Variants in LYZL4 observed in about 807,000 individuals in gnomAD.
The protein encoded by LYZL4 is lysozyme-like protein 4.
In LYZL4, 13 loss-of-function variants were observed where a neutral mutation model predicts 17.6. That is an observed-to-expected ratio of 0.74 (90% CI 0.48 to 1.18). The LOEUF (loss-of-function observed/expected upper bound fraction) is 1.18, where lower values mean the gene tolerates loss of function less well. LYZL4 is among the 50% of genes most tolerant of loss of function. LYZL4 has a pLI of 0.00. For synonymous variants in LYZL4, 64 were observed against 67.7 expected, an observed-to-expected ratio of 0.95 and a Z score of 0.27; for missense variants, 174 against 188.2, an observed-to-expected ratio of 0.92 and a Z score of 0.44.
chr3:42,372,449 G>T, the LYZL4 span, among the ~76,000 whole-genome samples: 3 of 152,216 alleles, frequency 2.0e-5, no homozygotes, highest in Non-Finnish European at 4.4e-5. Flanking sequence ...TGATTTGGAG[G>T]TGATTCTGGG....
intron 4 of LYZL4, among the ~76,000 whole-genome samples, chr3:42,398,938 A>G (rs1361617203): frequency 6.6e-6 from 1 of 152,246 alleles, no homozygotes; most frequent in Admixed American, 6.5e-5. Context: ...GTTTATGCAA[A>G]TAAAATGAAT....
chr3:42,406,667 G>A (rs951282611), intron 3 of LYZL4, among the ~76,000 whole-genome samples, 179 bp downstream of exon 3: 1 of 151,998 alleles, frequency 6.6e-6, no homozygotes, highest in African/African-American at 2.4e-5. Context: ...CCCACAGCCT[G>A]ATCTCACTGT....
At chr3:42,367,591 C>T in the LYZL4 span, among the ~76,000 whole-genome samples, 7 of 152,016 alleles carry the variant, frequency 4.6e-5, no homozygotes, top group African/African-American at 1.5e-4. Context: ...CAATGGGAGC[C>T]ATGGCAAAGG....
intron 4 of LYZL4, among the ~76,000 whole-genome samples, chr3:42,400,402 G>A (rs1425601195): frequency 6.6e-6 from 1 of 152,200 alleles, no homozygotes; most frequent in African/African-American, 2.4e-5. Context: ...TCATATTGCT[G>A]TGGCCACGAG....
chr3:42,405,131 C>T (rs1698726354), intron 3 of LYZL4, among the ~76,000 whole-genome samples: 1 of 152,164 alleles, frequency 6.6e-6, no homozygotes, highest in Non-Finnish European at 1.5e-5. Flanking sequence ...TCACTGCAAG[C>T]TCCGCCTCCC....
Position 42,397,109 on chromosome 3 carries a change from C to T in LYZL4, c.*156G>A, listed in dbSNP as rs1698560422. ...TGAGTAACTAGTTTGGTTTATTCTG[C>T]ATCCTGCATCCCCGGATGAAGCAAA... On this transcript the variant is annotated 3_prime_UTR_variant, in exon 5 of 5. Coordinates refer to ENST00000287748, the MANE Select transcript of LYZL4 (RefSeq NM_144634.4). 4 of 576,000 alleles carry T rather than the reference C, an allele frequency of 6.9e-6. No homozygotes were observed. Among genetic ancestry groups the T allele is most frequent in the South Asian group, 5.2e-5 (2 of 38,540 alleles). The allele number at this position is 576,000 out of a possible 1,614,324, so 35.7% of individuals were successfully genotyped here.
downstream of LYZL4, among the ~76,000 whole-genome samples, chr3:42,396,098 G>A (rs760672672): frequency 5.3e-5 from 8 of 152,032 alleles, no homozygotes; most frequent in Non-Finnish European, 8.8e-5. Flanking sequence ...ACATCTAAGA[G>A]TAGAGCAAAA....
At chr3:42,406,734 C>T (rs1698761022) in intron 3 of LYZL4, 112 bp downstream of exon 3, 1 of 1,367,674 alleles carries the variant, frequency 7.3e-7, no homozygotes, top group African/African-American at 1.4e-5. Flanking sequence ...ATGGCTCCTG[C>T]CACACCCTCT....
chr3:42,375,128 G>A, the LYZL4 span, among the ~76,000 whole-genome samples: 3 of 151,886 alleles, frequency 2.0e-5, no homozygotes, highest in Non-Finnish European at 2.9e-5. Context: ...TGACTTTTTG[G>A]TGCCTAAAAA....
At chr3:42,406,453 CAAAAAAAA>C (rs565639489) in intron 3 of LYZL4, among the ~76,000 whole-genome samples, 114 of 84,166 alleles carry the variant, frequency 1.4e-3, no homozygotes, top group Non-Finnish European at 2.1e-3. Context: ...GACTCCGTCT[CAAAAAAAA>C]AAAAAAAAAA....
the LYZL4 span, among the ~76,000 whole-genome samples, chr3:42,372,698 C>T: frequency 6.6e-6 from 1 of 152,240 alleles, no homozygotes; most frequent in African/African-American, 2.4e-5. Flanking sequence ...TGGGGCTTAA[C>T]TTTCCAGCAC....
At chr3:42,389,071 A>T in the LYZL4 span, among the ~76,000 whole-genome samples, 2 of 152,206 alleles carry the variant, frequency 1.3e-5, no homozygotes, top group Non-Finnish European at 2.9e-5. Context: ...GACATTGTCT[A>T]TTGGCATCCA....
chr3:42,374,241 C>T, the LYZL4 span, among the ~76,000 whole-genome samples: 4 of 152,168 alleles, frequency 2.6e-5, no homozygotes, highest in African/African-American at 7.2e-5. Flanking sequence ...AAAGGTTGAT[C>T]GATTTGCTGT....
chr3:42,383,011 T>C, the LYZL4 span, among the ~76,000 whole-genome samples: 1 of 151,952 alleles, frequency 6.6e-6, no homozygotes, highest in African/African-American at 2.4e-5. Flanking sequence ...TAAGAGTCAG[T>C]TAGGCCCCAG....
chr3:42,364,540 T>G, the LYZL4 span, among the ~76,000 whole-genome samples: 2 of 151,952 alleles, frequency 1.3e-5, no homozygotes, highest in Admixed American at 6.6e-5. Context: ...AGACGGGGTT[T>G]CACCATGTTA....
At chr3:42,383,365 G>T in the LYZL4 span, among the ~76,000 whole-genome samples, 1 of 150,950 alleles carries the variant, frequency 6.6e-6, no homozygotes, top group Non-Finnish European at 1.5e-5. Flanking sequence ...ATGCCTGCAG[G>T]GAAACTGTCC....
intron 4 of LYZL4, among the ~76,000 whole-genome samples, chr3:42,398,393 C>A (rs1383205952): frequency 6.6e-6 from 1 of 152,182 alleles, no homozygotes; most frequent in African/African-American, 2.4e-5. Flanking sequence ...GGTTTTAGTT[C>A]ATTAGGGCTT....
downstream of LYZL4, among the ~76,000 whole-genome samples, chr3:42,396,431 C>G (rs928469649): frequency 6.6e-6 from 1 of 152,198 alleles, no homozygotes; most frequent in Non-Finnish European, 1.5e-5. Context: ...CTGTAAGCCA[C>G]TAAGCTTTTA....
At chr3:42,409,379 A>C (rs1698822214) in intron 1 of LYZL4, among the ~76,000 whole-genome samples, 1 of 152,208 alleles carries the variant, frequency 6.6e-6, no homozygotes, top group South Asian at 2.1e-4. Flanking sequence ...CATTGTGCAC[A>C]TGTACCCTGG....
Sources: gnomAD v4.1 joint callset for allele counts (sites outside exome capture counted in the v4.1 genomes callset) on GRCh38, gnomAD v4.1.1 for gene constraint, MANE v1.5 for transcripts, NCBI Gene and HGNC (gene_info 2026-07-23, HGNC 2026-07-21) for gene names.